Variants in NFATC1 observed in about 807,000 individuals in gnomAD.
The protein encoded by NFATC1 is nuclear factor of activated T cells 1, also known as nuclear factor of activated T-cells, cytoplasmic 1.
In NFATC1, 22 loss-of-function variants were observed where a neutral mutation model predicts 76.0. That is an observed-to-expected ratio of 0.29 (90% CI 0.21 to 0.41). The LOEUF is 0.41. Among genes scored for constraint, NFATC1 ranks in the 10% least tolerant of loss-of-function variants. The pLI, the probability that NFATC1 is intolerant of heterozygous loss-of-function variation, is 1.00. For missense variants in NFATC1, 1,357 were observed against 1,337.7 expected (o/e 1.01, Z -0.23); for synonymous variants, 704 against 613.1 (o/e 1.15, Z -2.19).
intron 1 of NFATC1, among the ~76,000 whole-genome samples, chr18:79,400,824 A>ACCTCCCCCTTC (rs2085189874): frequency 9.7e-4 from 2 of 2,070 alleles, no homozygotes; most frequent in Non-Finnish European, 2.0e-3. Context: ...GACCTCCCCG[A>ACCTCCCCCTTC]CCCCCCGACC....
intron 9 of NFATC1, among the ~76,000 whole-genome samples, chr18:79,514,632 G>A (rs527920347): frequency 2.0e-4 from 28 of 137,530 alleles, no homozygotes; most frequent in Non-Finnish European, 3.1e-4. Flanking sequence ...GCATGCCTCC[G>A]AAGCAGGTGT....
At chr18:79,437,677 ACCCTCTG>A (rs1600711209) in intron 3 of NFATC1, among the ~76,000 whole-genome samples, 1 of 151,838 alleles carries the variant, frequency 6.6e-6, no homozygotes, top group African/African-American at 2.4e-5. Context: ...GGCAGCCGCC[ACCCTCTG>A]CCCTCCACCC....
chr18:79,488,037 C>T (rs1054468647), intron 9 of NFATC1, among the ~76,000 whole-genome samples: 1 of 151,976 alleles, frequency 6.6e-6, no homozygotes, highest in East Asian at 1.9e-4. Context: ...AGGCGAGCCT[C>T]GGCCTTCTGG....
intron 3 of NFATC1, among the ~76,000 whole-genome samples, chr18:79,439,002 G>A (rs779722351): frequency 3.9e-5 from 6 of 152,312 alleles, no homozygotes; most frequent in East Asian, 1.9e-4. Context: ...TAAAATGCGC[G>A]TCGGGCCAGT....
chr18:79,475,649 C>T (rs796813919), intron 8 of NFATC1, among the ~76,000 whole-genome samples: 15 of 152,378 alleles, frequency 9.8e-5, no homozygotes, highest in African/African-American at 3.6e-4. Context: ...TCACTGTCAA[C>T]GTTGTAAACC....
At chr18:79,432,615 C>A (rs1049640592) in intron 2 of NFATC1, among the ~76,000 whole-genome samples, 1 of 152,208 alleles carries the variant, frequency 6.6e-6, no homozygotes, top group Non-Finnish European at 1.5e-5. Flanking sequence ...CTTGGCCCTC[C>A]CAGAAACGGA....
intron 1 of NFATC1, among the ~76,000 whole-genome samples, chr18:79,399,854 TGGC>T (rs1220568869): frequency 6.6e-6 from 1 of 151,966 alleles, no homozygotes; most frequent in Non-Finnish European, 1.5e-5. Flanking sequence ...TTCCTAGCGT[TGGC>T]GGCCTCGGGC....
intron 9 of NFATC1, among the ~76,000 whole-genome samples, chr18:79,511,641 C>G (rs965104355): frequency 1.3e-5 from 2 of 152,174 alleles, no homozygotes; most frequent in African/African-American, 4.8e-5. Flanking sequence ...CGCCAGGACA[C>G]GTCTGCGCCC....
At chr18:79,447,962 T>A (rs1465396725) in intron 3 of NFATC1, among the ~76,000 whole-genome samples, 2 of 152,224 alleles carry the variant, frequency 1.3e-5, no homozygotes, top group Non-Finnish European at 2.9e-5. Flanking sequence ...TGAACATGTG[T>A]GTGCCCTGCC....
intron 9 of NFATC1, chr18:79,516,159 A>AT (rs2090377452): frequency 6.6e-6 from 1 of 152,140 alleles, no homozygotes; most frequent in Non-Finnish European, 1.5e-5. Context: ...TTCTGTCTTA[A>AT]TGGCTGACGT....
chr18:79,511,132 T>C (rs575799317), intron 9 of NFATC1, among the ~76,000 whole-genome samples: 7 of 152,358 alleles, frequency 4.6e-5, no homozygotes, highest in Admixed American at 4.6e-4. Context: ...ATGGCCTTCC[T>C]GCCGCACCGC....
intron 3 of NFATC1, among the ~76,000 whole-genome samples, chr18:79,439,778 C>G (rs924142033): frequency 2.6e-5 from 4 of 152,182 alleles, no homozygotes; most frequent in African/African-American, 9.7e-5. Context: ...ATTTATTTCT[C>G]CCCTAAAGCA....
At chr18:79,498,495 A>C (rs1442697474) in intron 9 of NFATC1, 1 of 151,998 alleles carries the variant, frequency 6.6e-6, no homozygotes, top group Admixed American at 6.5e-5. Context: ...ACTGAGGAAC[A>C]GAAAGAAGAA....
Position 79,411,514 on chromosome 18 carries a change from CGCGGG to C in NFATC1, c.1226+19_1226+23del, listed in dbSNP as rs745932419. ...CGTCCTACATGAGGTGAGCCGGCAG[CGCGGG>C]GCGGGACGGGGAGGCGAGGGGAGGC... On this transcript the variant is annotated intron_variant, in intron 2 of 9. Transcript: ENST00000427363. 1 of 1,457,920 alleles carries C rather than the reference CGCGGG, an allele frequency of 6.9e-7. No homozygotes were observed. The highest frequency in any genetic ancestry group is 1.5e-5 in the African/African-American group (1 of 68,576). 90.3% of individuals were successfully genotyped at this position (1,457,920 alleles called of 1,614,324 possible). A position where few individuals can be genotyped will look rare whatever the true frequency, so the allele number is the denominator to read the frequency against.
At chr18:79,487,959 C>T (rs2089560863) in intron 9 of NFATC1, among the ~76,000 whole-genome samples, 1 of 152,178 alleles carries the variant, frequency 6.6e-6, no homozygotes, top group African/African-American at 2.4e-5. Context: ...TATGACGTTT[C>T]CCAGGCCCGG....
At chr18:79,422,741 C>G (rs1343250448) in intron 2 of NFATC1, 1 of 152,270 alleles carries the variant, frequency 6.6e-6, no homozygotes, top group Non-Finnish European at 1.5e-5. Context: ...TTCCCAAGCA[C>G]CCTCTCCCAC....
chr18:79,518,239 T>C (rs1288255163), intron 9 of NFATC1, among the ~76,000 whole-genome samples: 1 of 152,220 alleles, frequency 6.6e-6, no homozygotes, highest in Non-Finnish European at 1.5e-5. Context: ...TCCCATCGCT[T>C]TCCCGGTCGA....
At chr18:79,411,926 G>C (rs1283170326) in intron 2 of NFATC1, among the ~76,000 whole-genome samples, 2 of 152,218 alleles carry the variant, frequency 1.3e-5, no homozygotes, top group African/African-American at 4.8e-5. Context: ...AATTGCACGT[G>C]CCTGGCCCCC....
intron 9 of NFATC1, among the ~76,000 whole-genome samples, chr18:79,506,073 G>T (rs540826167): frequency 1.3e-5 from 2 of 152,316 alleles, no homozygotes; most frequent in South Asian, 4.1e-4. Flanking sequence ...AATGCTGTGT[G>T]TTTAGGGAGG....
Sources: allele counts gnomAD v4.1 joint callset (sites outside exome capture counted in the v4.1 genomes callset), GRCh38; gene constraint gnomAD v4.1.1; transcripts MANE v1.5; gene names NCBI Gene and HGNC (gene_info 2026-07-23, HGNC 2026-07-21).